ADK: variants seen among roughly 807,000 people sequenced by gnomAD.
ADK encodes adenosine kinase.
Under a neutral mutation model 44.7 loss-of-function variants are expected in ADK, and 24 were observed. That is an observed-to-expected ratio of 0.54 (90% CI 0.39 to 0.76). The LOEUF (loss-of-function observed/expected upper bound fraction) is 0.76. ADK is among the 30% of genes least tolerant of loss of function. The probability of loss-of-function intolerance (pLI) is 0.00; values close to 1 mark genes in which losing one functional copy is unlikely to be tolerated. For missense variants in ADK, 321 were observed against 425.1 expected (o/e 0.76, Z 2.15); for synonymous variants, 128 against 142.6 (o/e 0.90, Z 0.73).
At chr10:74,332,729 A>C (rs184654732) in intron 4 of ADK, among the ~76,000 whole-genome samples, 1 of 152,322 alleles carries the variant, frequency 6.6e-6, no homozygotes, top group African/African-American at 2.4e-5. Context: ...ATATAACTCC[A>C]TTTGAAGAGT....
chr10:74,660,105 G>A (rs1270365055), intron 9 of ADK, among the ~76,000 whole-genome samples: 1 of 152,114 alleles, frequency 6.6e-6, no homozygotes, highest in Non-Finnish European at 1.5e-5. Context: ...AATCCTGTAA[G>A]TACCTGCAAA....
intron 9 of ADK, among the ~76,000 whole-genome samples, chr10:74,669,829 C>G (rs191132833): frequency 4.6e-5 from 7 of 152,174 alleles, no homozygotes; most frequent in Non-Finnish European, 7.4e-5. Flanking sequence ...TTTTTAGAAA[C>G]CCATGATCCA....
At chr10:74,185,907 G>C (rs911083435) in intron 1 of ADK, among the ~76,000 whole-genome samples, 5 of 147,880 alleles carry the variant, frequency 3.4e-5, no homozygotes. Context: ...GAGTGCAGCT[G>C]CCCGATCTCG....
chr10:74,594,690 T>G lies in ADK; in HGVS notation c.762+5373T>G, dbSNP rs527900451. ...AATAGGTAAAAAAAAAAAAAAAGAA[T>G]GAAGAGAGTATGTTCTTTGATTTGG... On this transcript the variant is annotated intron_variant, in intron 8 of 10. Coordinates refer to ENST00000539909, the MANE Select transcript of ADK (RefSeq NM_006721.4). Among the ~76,000 whole-genome samples the G allele has an allele frequency of 3.0e-4, 44 of 148,386 alleles. No homozygotes were observed. In the South Asian group the frequency reaches 5.9e-3, roughly 20 times the overall value.
At chr10:74,612,110 T>C (rs565551494) in intron 9 of ADK, among the ~76,000 whole-genome samples, 6 of 152,254 alleles carry the variant, frequency 3.9e-5, no homozygotes, top group Non-Finnish European at 7.4e-5. Flanking sequence ...TGTTTCCTTT[T>C]CTCTGTATCC....
intron 9 of ADK, among the ~76,000 whole-genome samples, chr10:74,630,581 C>T (rs1412021747): frequency 6.6e-6 from 1 of 152,084 alleles, no homozygotes; most frequent in Non-Finnish European, 1.5e-5. Flanking sequence ...ATATTATGCT[C>T]TTCTCAGTGA....
chr10:74,604,941 C>G (rs558316778), intron 9 of ADK, among the ~76,000 whole-genome samples: 2 of 152,196 alleles, frequency 1.3e-5, no homozygotes, highest in South Asian at 4.1e-4. Context: ...GTTTGTAGTT[C>G]TTGAAGAGGT....
intron 9 of ADK, chr10:74,655,432 C>T (rs770182862): frequency 1.9e-5 from 8 of 425,384 alleles, no homozygotes; most frequent in Non-Finnish European, 3.7e-5. Flanking sequence ...TGTAGAAGGA[C>T]GATTTCATTG....
At chr10:74,303,651 G>A (rs1484102368) in intron 3 of ADK, among the ~76,000 whole-genome samples, 3 of 110,286 alleles carry the variant, frequency 2.7e-5, no homozygotes, top group Non-Finnish European at 5.1e-5. Flanking sequence ...CTTCTACACT[G>A]ATAAATTTTC....
At chr10:74,491,885 T>TG (rs1429328313) in intron 6 of ADK, among the ~76,000 whole-genome samples, 1 of 152,194 alleles carries the variant, frequency 6.6e-6, no homozygotes, top group Non-Finnish European at 1.5e-5. Flanking sequence ...AAAACATGTA[T>TG]GAATCTCAGT....
At chr10:74,313,950 T>C (rs1292407660) in intron 3 of ADK, among the ~76,000 whole-genome samples, 1 of 152,062 alleles carries the variant, frequency 6.6e-6, no homozygotes, top group Non-Finnish European at 1.5e-5. Context: ...CATCCAACTA[T>C]TGATTTTTCA....
intron 6 of ADK, among the ~76,000 whole-genome samples, chr10:74,444,326 A>G (rs1328179684): frequency 2.6e-5 from 4 of 152,124 alleles, no homozygotes; most frequent in African/African-American, 7.2e-5. Flanking sequence ...TCCTGACCCA[A>G]GGTTTTGGAT....
intron 6 of ADK, among the ~76,000 whole-genome samples, chr10:74,487,393 T>C (rs1346579205): frequency 6.6e-6 from 1 of 152,042 alleles, no homozygotes; most frequent in Admixed American, 6.6e-5. Context: ...CTTTAATGTT[T>C]TATTAAACAG....
At chr10:74,220,483 C>T (rs1844262209) in intron 2 of ADK, among the ~76,000 whole-genome samples, 1 of 151,990 alleles carries the variant, frequency 6.6e-6, no homozygotes, top group Non-Finnish European at 1.5e-5. Flanking sequence ...CTATTCCAAT[C>T]AATAGAAAAA....
chr10:74,435,862 C>T (rs998811765), intron 6 of ADK, among the ~76,000 whole-genome samples: 1 of 152,106 alleles, frequency 6.6e-6, no homozygotes, highest in Non-Finnish European at 1.5e-5. Context: ...ATAAGCAAGT[C>T]TAAGAGTGTT....
intron 6 of ADK, among the ~76,000 whole-genome samples, chr10:74,482,472 C>A (rs1847109561): frequency 2.0e-5 from 3 of 152,172 alleles, no homozygotes; most frequent in Admixed American, 2.0e-4. Context: ...TAAACCATAT[C>A]ATTCTGCCCC....
chr10:74,397,784 C>T (rs555173632), intron 5 of ADK, among the ~76,000 whole-genome samples: 3 of 152,310 alleles, frequency 2.0e-5, no homozygotes, highest in East Asian at 3.9e-4. Flanking sequence ...AAGCAATCCT[C>T]CCACCTTGGC....
At chr10:74,484,723 T>C (rs907046491) in intron 6 of ADK, among the ~76,000 whole-genome samples, 2 of 152,198 alleles carry the variant, frequency 1.3e-5, no homozygotes, top group Non-Finnish European at 2.9e-5. Context: ...AGCAGTTCGC[T>C]ATTAGGACAG....
At chr10:74,435,535 C>A (rs1437434518) in intron 6 of ADK, among the ~76,000 whole-genome samples, 1 of 152,002 alleles carries the variant, frequency 6.6e-6, no homozygotes, top group Non-Finnish European at 1.5e-5. Flanking sequence ...TGGCAAAAAA[C>A]CGCCCAAATT....
Sources: allele counts gnomAD v4.1 joint callset (sites outside exome capture counted in the v4.1 genomes callset), GRCh38; gene constraint gnomAD v4.1.1; transcripts MANE v1.5; gene names NCBI Gene and HGNC (gene_info 2026-07-23, HGNC 2026-07-21).